The following RANBP3 variants were observed in gnomAD, a reference collection of about 807,000 sequenced individuals.
The protein encoded by RANBP3 is ran-binding protein 3.
Under a neutral mutation model 77.3 loss-of-function variants are expected in RANBP3, and 14 were observed. The observed-to-expected ratio is 0.18, with a 90% CI of 0.12 to 0.28. RANBP3 has a LOEUF of 0.28. Ranked by LOEUF, RANBP3 falls within the 10% of genes least tolerant of loss-of-function variation. The pLI, the probability that RANBP3 is intolerant of heterozygous loss-of-function variation, is 1.00. For missense variants in RANBP3, 586 were observed against 752.3 expected, an observed-to-expected ratio of 0.78 and a Z score of 2.59; for synonymous variants, 315 against 312.4, an observed-to-expected ratio of 1.01 and a Z score of -0.09.
At chr19:5,933,675 A>T in intron 5 of RANBP3, 196 bp from the exon 6 acceptor site, 1 of 531,440 alleles carries the variant, frequency 1.9e-6, no homozygotes, top group Non-Finnish European at 3.4e-6. Flanking sequence ...GGGGAGAGAC[A>T]AGGGCAGGAG....
intron 5 of RANBP3, chr19:5,935,596 C>T (rs2058053407): frequency 4.8e-6 from 2 of 413,790 alleles, no homozygotes; most frequent in Non-Finnish European, 9.8e-6. Flanking sequence ...CCGCTCCGTG[C>T]AGCGCTGGCG....
chr19:5,975,168 G>A (rs1320877853), intron 1 of RANBP3, among the ~76,000 whole-genome samples: 1 of 152,176 alleles, frequency 6.6e-6, no homozygotes, highest in Non-Finnish European at 1.5e-5. Context: ...CAGAAATGGA[G>A]TGTTCAAGAA....
At chr19:5,940,147 AGT>A (rs1326805085) in intron 5 of RANBP3, among the ~76,000 whole-genome samples, 2 of 152,178 alleles carry the variant, frequency 1.3e-5, no homozygotes, top group Admixed American at 1.3e-4. Flanking sequence ...TGGAGAGCTG[AGT>A]GTCTCTTGGG....
At chr19:5,931,555 G>A in intron 7 of RANBP3, 24 bp from the exon 8 acceptor site, 2 of 1,592,978 alleles carry the variant, frequency 1.3e-6, no homozygotes, top group African/African-American at 1.3e-5. Context: ...GGAGAGTGGG[G>A]AATCACAGGT....
intron 3 of RANBP3, among the ~76,000 whole-genome samples, chr19:5,945,856 G>A (rs1335363223): frequency 2.7e-5 from 4 of 148,588 alleles, no homozygotes; most frequent in South Asian, 2.1e-4. Context: ...AAGCAGCCCC[G>A]GGAACACTGT....
At chr19:5,962,402 G>A (rs2058414967) in intron 1 of RANBP3, among the ~76,000 whole-genome samples, 1 of 152,010 alleles carries the variant, frequency 6.6e-6, no homozygotes, top group Non-Finnish European at 1.5e-5. Context: ...CTAGATGTAA[G>A]TTCTAGAAAG....
chr19:5,948,239 A>G (rs2058231983), intron 3 of RANBP3, among the ~76,000 whole-genome samples: 1 of 152,184 alleles, frequency 6.6e-6, no homozygotes, highest in South Asian at 2.1e-4. Flanking sequence ...TCACAAGGTC[A>G]GGAGATTGAG....
chr19:5,946,286 T>A (rs2058203915), intron 3 of RANBP3, among the ~76,000 whole-genome samples: 2 of 152,188 alleles, frequency 1.3e-5, no homozygotes, highest in South Asian at 4.1e-4. Context: ...AGAAGGCACT[T>A]GCTGAGGACT....
At position 5,931,163 on chromosome 19, in the gene RANBP3, G is replaced by T. The variant is rs562329662; in HGVS notation, c.693+241C>A. On this transcript the variant is annotated intron_variant, in intron 8 of 16. Transcript: ENST00000340578. ...GCAACAGGTCCTTCCGGCAGAGCTTGCTTGGGAGACACTCTTCTTCTGCCT... is the reference window on the plus strand; with the variant it reads ...GCAACAGGTCCTTCCGGCAGAGCTTTCTTGGGAGACACTCTTCTTCTGCCT... Among the ~76,000 whole-genome samples, 3 of 152,338 alleles carry T rather than the reference G, an allele frequency of 2.0e-5. No homozygotes were observed. The East Asian group carries it at 5.8e-4, about 29-fold the overall frequency.
At chr19:5,943,520 G>A (rs1211812415) in intron 3 of RANBP3, among the ~76,000 whole-genome samples, 2 of 152,192 alleles carry the variant, frequency 1.3e-5, no homozygotes, top group East Asian at 3.9e-4. Flanking sequence ...ACAGGCCCAG[G>A]CCTGGAGCTT....
At chr19:5,957,859 C>T in intron 2 of RANBP3, 59 bp downstream of exon 2, 1 of 1,586,362 alleles carries the variant, frequency 6.3e-7, no homozygotes, top group Non-Finnish European at 8.6e-7. Flanking sequence ...AAGAGACTCT[C>T]AGTAAAGAGA....
rs1280324422 is a variant in RANBP3, at chr19:5,959,917, C to T, written c.23-1944G>A. Reference sequence around the variant, plus strand: ...TTTCTTTAGGGAGCTACCCACCCCTCGTCCCCCTGTCCCCCAGTTCAGATG... The same window carrying T: ...TTTCTTTAGGGAGCTACCCACCCCTTGTCCCCCTGTCCCCCAGTTCAGATG... On this transcript the variant is annotated intron_variant, in intron 1 of 16. Coordinates refer to ENST00000340578, the MANE Select transcript of RANBP3 (RefSeq NM_007322.3). This position sits in a 1 kb window ranked among gnomAD's most constrained non-coding sequence, Gnocchi z 5.1. Among the ~76,000 whole-genome samples the T allele has an allele frequency of 6.6e-6, 1 of 152,130 alleles. No homozygotes were observed. The highest frequency in any genetic ancestry group is 6.5e-5 in the Admixed American group (1 of 15,276).
chr19:5,959,107 G>A lies in RANBP3; in HGVS notation c.23-1134C>T, dbSNP rs1477136808. ...CCTGAGAAGAGGGGGCTGTGCTGGGGTCTCAAGAAGAGCTGGAAGGGAGAG... is the reference window on the plus strand; with the variant it reads ...CCTGAGAAGAGGGGGCTGTGCTGGGATCTCAAGAAGAGCTGGAAGGGAGAG... On this transcript the variant is annotated intron_variant, in intron 1 of 16. Transcript: ENST00000340578. The surrounding 1 kb of genome is among the most constrained non-coding windows in gnomAD (Gnocchi z 5.1). Among the ~76,000 whole-genome samples the A allele has an allele frequency of 6.6e-6, 1 of 152,182 alleles. No individual in the cohort carries two copies. The highest frequency in any genetic ancestry group is 1.5e-5 in the Non-Finnish European group (1 of 68,024).
chr19:5,917,585 T>C lies in RANBP3; in HGVS notation c.*25A>G, dbSNP rs2057755910. 1 of 1,572,128 alleles carries C rather than the reference T, an allele frequency of 6.4e-7. No homozygotes were observed. Among genetic ancestry groups the C allele is most frequent in the Non-Finnish European group, 8.6e-7 (1 of 1,163,204 alleles). ...TGGATAGACGGACAAAGCAGCAGCCTGGTGTGCAGCCGGGCTCCCGGCCGC... is the reference window on the plus strand; with the variant it reads ...TGGATAGACGGACAAAGCAGCAGCCCGGTGTGCAGCCGGGCTCCCGGCCGC... On this transcript the variant is annotated 3_prime_UTR_variant, in exon 17 of 17. Transcript: ENST00000340578.
chr19:5,977,072 A>T (rs1416362967), intron 1 of RANBP3, among the ~76,000 whole-genome samples: 1 of 152,218 alleles, frequency 6.6e-6, no homozygotes, highest in African/African-American at 2.4e-5. Flanking sequence ...GCTCCACAAG[A>T]CCAAGCACTT....
At position 5,951,497 on chromosome 19, in the gene RANBP3, C is replaced by A. The variant is rs754068129; in HGVS notation, c.178G>T (p.Glu60Ter). The change falls in exon 3 of 17, where the codon GAG becomes TAG. Residue 60 changes from glutamate to a stop codon, truncating the protein, a stop_gained. Transcript: ENST00000340578. LOFTEE classifies it high-confidence loss of function. ...GGGGCAGGAGGTTCTAGGGCATGCT[C>A]GCCAGCTGACTCGGGGTGACCCGTG... ...HGTGHPESAG[E>*]HALEPPAPAG... The A allele has an allele frequency of 6.2e-7, 1 of 1,610,936 alleles. No individual in the cohort carries two copies. The highest frequency in any genetic ancestry group is 2.2e-5 in the East Asian group (1 of 44,836).
At chr19:5,976,001 G>T (rs2058586495) in intron 1 of RANBP3, among the ~76,000 whole-genome samples, 1 of 152,178 alleles carries the variant, frequency 6.6e-6, no homozygotes, top group Non-Finnish European at 1.5e-5. Context: ...ATGGGTAAGG[G>T]TGGAGGGAAC....
intron 3 of RANBP3, among the ~76,000 whole-genome samples, chr19:5,946,056 G>A (rs1599760269): frequency 6.6e-6 from 1 of 152,188 alleles, no homozygotes; most frequent in East Asian, 1.9e-4. Flanking sequence ...CATGTTGGCT[G>A]CTCCTGCCTC....
At chr19:5,935,706 G>C (rs1409830584) in intron 5 of RANBP3, 1 of 456,602 alleles carries the variant, frequency 2.2e-6, no homozygotes, top group Non-Finnish European at 4.4e-6. Context: ...GCTAGGCCCA[G>C]AGCGTGGCCC....
Sources: gnomAD v4.1 joint callset for allele counts (sites outside exome capture counted in the v4.1 genomes callset) on GRCh38, gnomAD v4.1.1 for gene constraint, Gnocchi (gnomAD v3.1) non-coding constraint, MANE v1.5 for transcripts, NCBI Gene and HGNC (gene_info 2026-07-23, HGNC 2026-07-21) for gene names.